Variants in YTHDC1 observed in about 807,000 individuals in gnomAD.
The protein encoded by YTHDC1 is YTH N6-methyladenosine RNA binding protein C1.
Under a neutral mutation model 107.0 loss-of-function variants are expected in YTHDC1, and 12 were observed. The observed-to-expected ratio is 0.11, with a 90% CI of 0.07 to 0.18. The LOEUF (loss-of-function observed/expected upper bound fraction) is 0.18, where lower values mean the gene tolerates loss of function less well. Among genes scored for constraint, YTHDC1 ranks in the 10% least tolerant of loss-of-function variants. The pLI is 1.00. For missense variants in YTHDC1, 635 were observed against 898.8 expected, an observed-to-expected ratio of 0.71 and a Z score of 3.75; for synonymous variants, 280 against 289.5, an observed-to-expected ratio of 0.97 and a Z score of 0.33.
In YTHDC1 at chr4:68,311,755, G is replaced by A. The variant is rs926555309; in HGVS notation, c.*2344C>T. 2 of 152,126 alleles carry A rather than the reference G, an allele frequency of 1.3e-5. No individual in the cohort carries two copies. The highest frequency in any genetic ancestry group is 2.1e-4 in the South Asian group (1 of 4,808). The allele number at this position is 152,126 out of a possible 1,614,324, so 9.4% of individuals were successfully genotyped here. ...TAATGTTGGCTTTTTAAAATAGATC[G>A]ACTCAATACTAAGCTCAACATACAA... On this transcript the variant is annotated 3_prime_UTR_variant, in exon 17 of 17. Coordinates refer to ENST00000344157, the MANE Select transcript of YTHDC1 (RefSeq NM_001031732.4).
intron 1 of YTHDC1, among the ~76,000 whole-genome samples, chr4:68,344,594 T>C (rs916437514): frequency 1.1e-4 from 16 of 152,220 alleles, no homozygotes; most frequent in East Asian, 3.8e-4. Flanking sequence ...AGCTGGCTGA[T>C]AGATTCCACA....
intron 4 of YTHDC1, 94 bp downstream of exon 4, chr4:68,336,933 C>A: frequency 6.9e-7 from 1 of 1,452,604 alleles, no homozygotes. Flanking sequence ...TTAATATCCC[C>A]CATCTCCTCA....
At chr4:68,346,001 T>C (rs1725370558) in intron 1 of YTHDC1, among the ~76,000 whole-genome samples, 1 of 151,502 alleles carries the variant, frequency 6.6e-6, no homozygotes, top group Admixed American at 6.6e-5. Flanking sequence ...ACAATGCCCA[T>C]CTTCATTGTT....
At chr4:68,315,078 A>T (rs1721683232) in intron 16 of YTHDC1, among the ~76,000 whole-genome samples, 1 of 152,220 alleles carries the variant, frequency 6.6e-6, no homozygotes, top group African/African-American at 2.4e-5. Flanking sequence ...ATAGTTGAGG[A>T]AAACAAAAAA....
At position 68,342,898 on chromosome 4, in the gene YTHDC1, TCTTTTAAC is replaced by T. The variant is rs530958986; in HGVS notation, c.29-4522_29-4515del. ...ATATCCACTAGTTCTAGGTTGACTT[TCTTTTAAC>T]CTACCTGAACAAACGTTTTTAACCA... On this transcript the variant is annotated intron_variant, in intron 1 of 16. Coordinates refer to ENST00000344157, the MANE Select transcript of YTHDC1 (RefSeq NM_001031732.4). 9.7e-3 allele frequency among the ~76,000 whole-genome samples: 478 copies of T among 49,264 alleles called. 3 individuals are homozygous for T. The highest frequency in any genetic ancestry group is 0.027 in the African/African-American group (451 of 16,644). The allele number at this position is 49,264 out of a possible 152,430, so 32.3% of individuals were successfully genotyped here.
chr4:68,340,713 T>C (rs911415354), intron 1 of YTHDC1, among the ~76,000 whole-genome samples: 1 of 151,970 alleles, frequency 6.6e-6, no homozygotes, highest in Non-Finnish European at 1.5e-5. Flanking sequence ...TTCAAGACTA[T>C]CACAATGAAA....
At chr4:68,323,189 G>C (rs749483400) in intron 10 of YTHDC1, among the ~76,000 whole-genome samples, 15 of 152,064 alleles carry the variant, frequency 9.9e-5, no homozygotes, top group Non-Finnish European at 1.8e-4. Context: ...TCTGAAAAGG[G>C]ACTATTTCTT....
intron 11 of YTHDC1, among the ~76,000 whole-genome samples, chr4:68,321,179 TAAC>T (rs1431893305): frequency 2.0e-5 from 3 of 152,204 alleles, no homozygotes; most frequent in Admixed American, 1.3e-4. Context: ...AAAAACTTGA[TAAC>T]AACCTAGCAT....
intron 11 of YTHDC1, among the ~76,000 whole-genome samples, chr4:68,321,477 T>C (rs929246054): frequency 5.3e-5 from 8 of 152,138 alleles, no homozygotes; most frequent in Non-Finnish European, 1.2e-4. Flanking sequence ...GCCACATACA[T>C]AAATGGAGGC....
At position 68,322,285 on chromosome 4, in the gene YTHDC1, C is replaced by T. The variant is rs753132776; in HGVS notation, c.1601+464G>A. Reference sequence around the variant, plus strand: ...AAAATATTTTATCCTCTAAATGAGGCGTCATCTTCTGAAAAAATATTAGTG... The same window carrying T: ...AAAATATTTTATCCTCTAAATGAGGTGTCATCTTCTGAAAAAATATTAGTG... On this transcript the variant is annotated intron_variant, in intron 11 of 16. Transcript: ENST00000344157. The surrounding 1 kb of genome is among the most constrained non-coding windows in gnomAD (Gnocchi z 4.8). Among the ~76,000 whole-genome samples, 5 of 152,160 alleles carry T rather than the reference C, an allele frequency of 3.3e-5. No homozygotes were observed. Among genetic ancestry groups the T allele is most frequent in the Non-Finnish European group, 7.3e-5 (5 of 68,034 alleles).
At chr4:68,330,637 G>A (rs183357148) in intron 7 of YTHDC1, among the ~76,000 whole-genome samples, 14 of 152,144 alleles carry the variant, frequency 9.2e-5, no homozygotes, top group African/African-American at 3.1e-4. Context: ...ATTTACTGTG[G>A]TAAATACATC....
intron 4 of YTHDC1, among the ~76,000 whole-genome samples, chr4:68,333,850 G>A (rs1723862292): frequency 6.6e-6 from 1 of 151,956 alleles, no homozygotes; most frequent in South Asian, 2.1e-4. Flanking sequence ...ATGAACCCCT[G>A]AACCCAAAGC....
rs1560477237 is a variant in YTHDC1, at chr4:68,322,126, T to C, written c.1601+623A>G. Among the ~76,000 whole-genome samples the C allele has an allele frequency of 6.6e-6, 1 of 152,198 alleles. No individual in the cohort carries two copies. The highest frequency in any genetic ancestry group is 6.5e-5 in the Admixed American group (1 of 15,274). ...GATCCCCTTTGGAAAGAACCTATTG[T>C]TTTCAGAAGCTCAGCAAGATGTGTG... On this transcript the variant is annotated intron_variant, in intron 11 of 16. Coordinates refer to ENST00000344157, the MANE Select transcript of YTHDC1 (RefSeq NM_001031732.4). This position sits in a 1 kb window ranked among gnomAD's most constrained non-coding sequence, Gnocchi z 4.8.
intron 4 of YTHDC1, among the ~76,000 whole-genome samples, chr4:68,334,555 C>A (rs1045829026): frequency 2.0e-5 from 3 of 152,236 alleles, no homozygotes; most frequent in African/African-American, 7.2e-5. Flanking sequence ...AAGGTGATTA[C>A]AGGTTTAACT....
chr4:68,324,074 C>G, intron 10 of YTHDC1, 65 bp downstream of exon 10: 4 of 1,418,274 alleles, frequency 2.8e-6, no homozygotes. Flanking sequence ...ACGAATACAT[C>G]AATAAAGATC....
At chr4:68,336,881 T>C (rs890414771) in intron 4 of YTHDC1, 146 bp downstream of exon 4, 7 of 1,161,068 alleles carry the variant, frequency 6.0e-6, no homozygotes, top group African/African-American at 1.5e-5. Context: ...CAAATGTATT[T>C]ATAACATTCA....
At position 68,318,575 on chromosome 4, in the gene YTHDC1, T is replaced by G; in HGVS notation, c.1768A>C (p.Asn590His). The change falls in exon 15 of 17, where the codon AAT becomes CAT. Residue 590 changes from asparagine to histidine, a missense_variant. By Grantham distance (68) the Asn-to-His change is moderately conservative. Around this residue, in one of 5 missense-constraint regions of YTHDC1, gnomAD observed 256 missense variants for 372.9 expected, o/e 0.69. Coordinates refer to ENST00000344157, the MANE Select transcript of YTHDC1 (RefSeq NM_001031732.4). ...TTATGAAATTCCCTCACATAATCAT[T>G]GTAGGACTAAAATAAAAGATGATAA... ...RRDVFLNGSY[N>H]DYVREFHNMG... 6.2e-7 allele frequency: 1 copy of G among 1,612,786 alleles called. No homozygotes were observed. Among genetic ancestry groups the G allele is most frequent in the South Asian group, 1.1e-5 (1 of 90,686 alleles).
In YTHDC1 at chr4:68,313,779, C is replaced by G; in HGVS notation, c.*320G>C. The G allele has an allele frequency of 3.6e-6, 1 of 278,102 alleles. No homozygotes were observed. Among genetic ancestry groups the G allele is most frequent in the Non-Finnish European group, 6.7e-6 (1 of 148,204 alleles). 17.2% of individuals were successfully genotyped at this position (278,102 alleles called of 1,614,324 possible). ...AATCAAGATCCAAAAAGGAAAAAAA[C>G]AAACAAAAAAATAACTCTAGGATGA... is the stretch of plus-strand genomic sequence containing the variant. On this transcript the variant is annotated 3_prime_UTR_variant, in exon 17 of 17. Coordinates refer to ENST00000344157, the MANE Select transcript of YTHDC1 (RefSeq NM_001031732.4).
chr4:68,317,314 T>A (rs1193644623), intron 15 of YTHDC1, among the ~76,000 whole-genome samples: 1 of 152,200 alleles, frequency 6.6e-6, no homozygotes, highest in Non-Finnish European at 1.5e-5. Flanking sequence ...ATAGTTACTA[T>A]CAAGATCATA....
Sources: allele counts gnomAD v4.1 joint callset (sites outside exome capture counted in the v4.1 genomes callset), GRCh38; gene constraint gnomAD v4.1.1; regional missense constraint gnomAD v4.1.1; non-coding constraint Gnocchi (gnomAD v3.1); transcripts MANE v1.5; gene names NCBI Gene and HGNC (gene_info 2026-07-23, HGNC 2026-07-21).